Variants in EYA4 observed in about 807,000 individuals in gnomAD.
EYA4 encodes protein phosphatase EYA4.
EYA4 carries 31 observed loss-of-function variants against 87.9 expected under a neutral mutation model. The observed-to-expected ratio is 0.35, with a 90% CI of 0.27 to 0.48. The LOEUF (loss-of-function observed/expected upper bound fraction) is 0.48, where lower values mean the gene tolerates loss of function less well. EYA4 is among the 20% of genes least tolerant of loss of function. The pLI, the probability that EYA4 is intolerant of heterozygous loss-of-function variation, is 0.99. For missense variants in EYA4, 678 were observed against 761.4 expected (o/e 0.89, Z 1.29); for synonymous variants, 263 against 270.6 (o/e 0.97, Z 0.28).
chr6:133,495,766 C>T (rs1028246257), intron 13 of EYA4, among the ~76,000 whole-genome samples: 1 of 152,028 alleles, frequency 6.6e-6, no homozygotes, highest in Admixed American at 6.5e-5. Context: ...CAGATTGCTG[C>T]GTTACAACCC....
At chr6:133,276,102 A>G (rs1000654977) in intron 2 of EYA4, among the ~76,000 whole-genome samples, 1 of 152,184 alleles carries the variant, frequency 6.6e-6, no homozygotes, top group Non-Finnish European at 1.5e-5. Context: ...CTGTGTGACT[A>G]TGGTGGACTT....
At chr6:133,443,557 T>C (rs940348704) in intron 3 of EYA4, among the ~76,000 whole-genome samples, 1 of 152,082 alleles carries the variant, frequency 6.6e-6, no homozygotes, top group African/African-American at 2.4e-5. Context: ...TCCTTCTACT[T>C]ACCTTTTGTT....
intron 11 of EYA4, among the ~76,000 whole-genome samples, chr6:133,478,240 A>AAGTC: frequency 6.6e-6 from 1 of 152,224 alleles, no homozygotes; most frequent in African/African-American, 2.4e-5. Flanking sequence ...CACTGGAAAA[A>AAGTC]AGTCAGTGTC....
chr6:133,287,551 A>G (rs1778162247), intron 2 of EYA4, among the ~76,000 whole-genome samples: 1 of 152,182 alleles, frequency 6.6e-6, no homozygotes, highest in Non-Finnish European at 1.5e-5. Context: ...TAGACTGAAA[A>G]GGACTTTGAA....
chr6:133,483,403 A>G (rs983088429), intron 13 of EYA4, among the ~76,000 whole-genome samples: 2 of 152,290 alleles, frequency 1.3e-5, no homozygotes, highest in South Asian at 4.1e-4. Flanking sequence ...AAAATTGTAA[A>G]TCGAAATGGA....
intron 14 of EYA4, among the ~76,000 whole-genome samples, chr6:133,510,195 T>C (rs1406564148): frequency 1.3e-5 from 2 of 152,176 alleles, no homozygotes; most frequent in African/African-American, 4.8e-5. Flanking sequence ...CTCTAAAAAT[T>C]ACAATGAGAG....
At position 133,530,663 on chromosome 6, in the gene EYA4, T is replaced by G. The variant is rs1800957076; in HGVS notation, c.*1858T>G. On this transcript the variant is annotated 3_prime_UTR_variant, in exon 20 of 20. Coordinates refer to ENST00000355286, the MANE Select transcript of EYA4 (RefSeq NM_004100.5). ...TTTAGGCTACAAACCTGTATTTCTT[T>G]ACTGAATGCTAAGGCCATGTTTATA... 2.0e-6 allele frequency: 2 copies of G among 985,574 alleles called. No homozygotes were observed. Among genetic ancestry groups the G allele is most frequent in the Non-Finnish European group, 2.4e-6 (2 of 829,772 alleles). 61.1% of individuals were successfully genotyped at this position (985,574 alleles called of 1,614,324 possible).
At chr6:133,414,997 A>G (rs1789585203) in intron 3 of EYA4, among the ~76,000 whole-genome samples, 1 of 152,180 alleles carries the variant, frequency 6.6e-6, no homozygotes, top group African/African-American at 2.4e-5. Flanking sequence ...TTTTATGTAC[A>G]TGAATTTATT....
intron 2 of EYA4, among the ~76,000 whole-genome samples, chr6:133,335,907 G>A (rs773375699): frequency 1.6e-4 from 24 of 152,268 alleles, no homozygotes; most frequent in Middle Eastern, 6.8e-3. Context: ...ATTGCTTTTA[G>A]CAAAGGTGAC....
At chr6:133,272,903 T>C (rs1776821293) in intron 1 of EYA4, among the ~76,000 whole-genome samples, 1 of 151,956 alleles carries the variant, frequency 6.6e-6, no homozygotes, top group African/African-American at 2.4e-5. Context: ...GAAGCCTGGC[T>C]CGCTGGCATA....
chr6:133,392,127 ACT>A (rs59649985), intron 3 of EYA4, among the ~76,000 whole-genome samples: 16 of 151,810 alleles, frequency 1.1e-4, no homozygotes, highest in African/African-American at 3.9e-4. Context: ...CTTTATGTAA[ACT>A]CTTGTACCAA....
At chr6:133,296,265 G>A (rs1340508842) in intron 2 of EYA4, among the ~76,000 whole-genome samples, 1 of 152,212 alleles carries the variant, frequency 6.6e-6, no homozygotes, top group East Asian at 1.9e-4. Context: ...GGTCCAAGAG[G>A]TGGTGTGGTG....
chr6:133,257,995 AGAT>A (rs1166341556), intron 1 of EYA4, among the ~76,000 whole-genome samples: 1 of 152,196 alleles, frequency 6.6e-6, no homozygotes, highest in Non-Finnish European at 1.5e-5. Flanking sequence ...TATATATCTT[AGAT>A]ATTTCTTCAA....
intron 2 of EYA4, among the ~76,000 whole-genome samples, chr6:133,298,457 A>G (rs904005778): frequency 4.6e-5 from 7 of 152,012 alleles, no homozygotes; most frequent in African/African-American, 1.7e-4. Context: ...GTGTGTGTGT[A>G]TGTATATGTG....
At chr6:133,346,735 G>A (rs1783225527) in intron 2 of EYA4, among the ~76,000 whole-genome samples, 2 of 151,502 alleles carry the variant, frequency 1.3e-5, no homozygotes, top group Non-Finnish European at 3.0e-5. Context: ...TTTGCCCCAG[G>A]TGGCTTACCT....
chr6:133,243,739 C>T (rs1441386985), intron 1 of EYA4, among the ~76,000 whole-genome samples: 1 of 150,640 alleles, frequency 6.6e-6, no homozygotes, highest in African/African-American at 2.4e-5. Flanking sequence ...GGAGAGAATC[C>T]CCCCAAAAAA....
At chr6:133,429,220 T>C (rs1178216823) in intron 3 of EYA4, among the ~76,000 whole-genome samples, 1 of 152,058 alleles carries the variant, frequency 6.6e-6, no homozygotes, top group Non-Finnish European at 1.5e-5. Flanking sequence ...CCACTGCACC[T>C]GTCCAGATTT....
chr6:133,398,533 G>T (rs1787993320), intron 3 of EYA4, among the ~76,000 whole-genome samples: 1 of 151,790 alleles, frequency 6.6e-6, no homozygotes, highest in Non-Finnish European at 1.5e-5. Flanking sequence ...ATATTTTCAT[G>T]TTGCCTTTAT....
intron 2 of EYA4, among the ~76,000 whole-genome samples, chr6:133,327,384 G>A (rs567141806): frequency 1.3e-5 from 2 of 152,126 alleles, no homozygotes; most frequent in South Asian, 4.2e-4. Context: ...TGTCTGCCTT[G>A]ACATCCCAAA....
Sources: gnomAD v4.1 joint callset for allele counts (sites outside exome capture counted in the v4.1 genomes callset) on GRCh38, gnomAD v4.1.1 for gene constraint, MANE v1.5 for transcripts, NCBI Gene and HGNC (gene_info 2026-07-23, HGNC 2026-07-21) for gene names.